ZMAT4: variants seen among roughly 807,000 people sequenced by gnomAD.
ZMAT4 encodes the protein zinc finger matrin-type 4.
A neutral mutation model predicts 28.7 loss-of-function variants in ZMAT4; 17 were observed. That is an observed-to-expected ratio of 0.59 (90% confidence interval 0.41 to 0.89). The LOEUF (loss-of-function observed/expected upper bound fraction) is 0.89. Among genes scored for constraint, ZMAT4 ranks in the 40% least tolerant of loss-of-function variants. ZMAT4 has a pLI of 0.00. For synonymous variants in ZMAT4, 117 were observed against 109.2 expected, an observed-to-expected ratio of 1.07 and a Z score of -0.44; for missense variants, 240 against 283.8, an observed-to-expected ratio of 0.85 and a Z score of 1.11.
chr8:40,790,575 C>A lies in ZMAT4; in HGVS notation c.103-22845G>T, dbSNP rs560955011. On this transcript the variant is annotated intron_variant, in intron 2 of 6. Transcript: ENST00000297737. ...AAATATGAAATATTTGGGGATAAAT[C>A]TGACAAAATATGTGCAAGACCTATA... Among the ~76,000 whole-genome samples the A allele has an allele frequency of 2.0e-5, 3 of 152,086 alleles. No individual in the cohort carries two copies. In the South Asian group the frequency reaches 6.2e-4, roughly 32 times the overall value.
chr8:40,796,220 C>T (rs1814592435), intron 2 of ZMAT4, among the ~76,000 whole-genome samples: 2 of 152,232 alleles, frequency 1.3e-5, no homozygotes, highest in African/African-American at 4.8e-5. Flanking sequence ...TAACAGCAGG[C>T]TCCAAGAGGC....
At chr8:40,600,586 T>G (rs1378078779) in intron 5 of ZMAT4, among the ~76,000 whole-genome samples, 1 of 152,198 alleles carries the variant, frequency 6.6e-6, no homozygotes, top group African/African-American at 2.4e-5. Context: ...AAGTTCTAAT[T>G]CTATGCCCCA....
At position 40,581,220 on chromosome 8, in the gene ZMAT4, G is replaced by C. The variant is rs532046092; in HGVS notation, c.619C>G (p.Leu207Val). The C allele has an allele frequency of 1.9e-6, 3 of 1,613,462 alleles. No individual in the cohort carries two copies. The highest frequency in any genetic ancestry group is 1.7e-6 in the Non-Finnish European group (2 of 1,179,584). Residue 207 changes from leucine to valine, a missense_variant, in exon 6 of 7, where the codon CTA (leucine) becomes GTA (valine). Coordinates refer to ENST00000297737, the MANE Select transcript of ZMAT4 (RefSeq NM_024645.3). ...GCATGATACTGTTCTATTGAGTTTA[G>C]GGAGACACTGCAGATGGTACATCTG... ...NYRCTICSVS[L>V]NSIEQYHAHL...
At chr8:40,750,430 T>A (rs758541123) in intron 3 of ZMAT4, among the ~76,000 whole-genome samples, 5 of 152,058 alleles carry the variant, frequency 3.3e-5, no homozygotes, top group Non-Finnish European at 7.4e-5. Flanking sequence ...AGACTCACGG[T>A]GCTATGTAGG....
At chr8:40,717,683 A>C (rs150718628) in intron 3 of ZMAT4, among the ~76,000 whole-genome samples, 1 of 152,238 alleles carries the variant, frequency 6.6e-6, no homozygotes, top group East Asian at 1.9e-4. Context: ...AAAAAAATTA[A>C]TTTAAAATCA....
chr8:40,560,108 C>A (rs1337679313), intron 6 of ZMAT4, among the ~76,000 whole-genome samples: 1 of 151,892 alleles, frequency 6.6e-6, no homozygotes, highest in African/African-American at 2.4e-5. Context: ...ACTGTCAATA[C>A]CTGTGCCTCT....
chr8:40,676,187 G>A (rs982850388), intron 4 of ZMAT4, among the ~76,000 whole-genome samples: 2 of 152,126 alleles, frequency 1.3e-5, no homozygotes, highest in African/African-American at 2.4e-5. Context: ...GGAAAAACAG[G>A]ACTAAAATGA....
chr8:40,643,894 T>C (rs1444112544), intron 5 of ZMAT4, among the ~76,000 whole-genome samples: 3 of 151,438 alleles, frequency 2.0e-5, no homozygotes, highest in Non-Finnish European at 2.9e-5. Context: ...TAAACCAAGG[T>C]TGATAATTTT....
At chr8:40,675,932 A>G (rs117097684) in intron 4 of ZMAT4, among the ~76,000 whole-genome samples, 57 of 152,350 alleles carry the variant, frequency 3.7e-4, no homozygotes, top group Non-Finnish European at 7.3e-4. Context: ...TGTTCCACCT[A>G]TTAAATTAAC....
chr8:40,852,206 C>A (rs185235617), intron 1 of ZMAT4, among the ~76,000 whole-genome samples: 1 of 152,274 alleles, frequency 6.6e-6, no homozygotes, highest in Non-Finnish European at 1.5e-5. Context: ...CTCTCCCTAT[C>A]CCCCAGCCCC....
chr8:40,555,440 C>T (rs142030928), intron 6 of ZMAT4, among the ~76,000 whole-genome samples: 1 of 152,294 alleles, frequency 6.6e-6, no homozygotes, highest in African/African-American at 2.4e-5. Context: ...CAACCACCAT[C>T]ACGAAAATAG....
intron 5 of ZMAT4, among the ~76,000 whole-genome samples, chr8:40,635,404 C>G (rs1040326366): frequency 2.0e-5 from 3 of 152,156 alleles, no homozygotes; most frequent in African/African-American, 7.2e-5. Context: ...CCACCACACA[C>G]AGACATACAC....
chr8:40,736,543 C>G (rs1811769364), intron 3 of ZMAT4, among the ~76,000 whole-genome samples: 1 of 152,164 alleles, frequency 6.6e-6, no homozygotes, highest in Admixed American at 6.5e-5. Context: ...AATGAAGAGG[C>G]ATCATGGCTG....
intron 3 of ZMAT4, among the ~76,000 whole-genome samples, chr8:40,761,406 C>T (rs1563465987): frequency 6.6e-6 from 1 of 152,140 alleles, no homozygotes; most frequent in African/African-American, 2.4e-5. Flanking sequence ...CCCTCTAAGG[C>T]TTTGCACAGC....
chr8:40,737,672 G>A (rs544094430), intron 3 of ZMAT4, among the ~76,000 whole-genome samples: 7 of 152,268 alleles, frequency 4.6e-5, no homozygotes, highest in Admixed American at 3.9e-4. Flanking sequence ...AGAAGCCTGC[G>A]TAAACTTGCT....
chr8:40,543,525 A>G (rs1803108006), intron 6 of ZMAT4, among the ~76,000 whole-genome samples: 1 of 152,156 alleles, frequency 6.6e-6, no homozygotes, highest in Admixed American at 6.6e-5. Flanking sequence ...CATCGAGGAT[A>G]TGGAATGGGA....
intron 5 of ZMAT4, among the ~76,000 whole-genome samples, chr8:40,627,247 A>G (rs1056495141): frequency 6.6e-6 from 1 of 152,230 alleles, no homozygotes; most frequent in Non-Finnish European, 1.5e-5. Flanking sequence ...GAGATTTTCA[A>G]GGGCACTAAG....
At chr8:40,649,691 C>A (rs1031975907) in intron 5 of ZMAT4, among the ~76,000 whole-genome samples, 60 of 152,004 alleles carry the variant, frequency 3.9e-4, no homozygotes, top group African/African-American at 1.4e-3. Context: ...CTCTCCTCAG[C>A]AAATGTAAAA....
In ZMAT4 at chr8:40,867,137, C is replaced by T. The variant is rs56723861; in HGVS notation, c.-5+30546G>A. 8.5e-3 allele frequency among the ~76,000 whole-genome samples: 1,288 copies of T among 152,320 alleles called. 28 individuals carry two copies. Among genetic ancestry groups the T allele is most frequent in the African/African-American group, 0.029 (1,220 of 41,574 alleles). ...GGATTTCCCCCTAGACCTTCTGCAC[C>T]TGCATCTTACCCCTTAGGCAGGGGT... On this transcript the variant is annotated intron_variant, in intron 1 of 6. Transcript: ENST00000297737.
Sources: gnomAD v4.1 joint callset for allele counts (sites outside exome capture counted in the v4.1 genomes callset) on GRCh38, gnomAD v4.1.1 for gene constraint, MANE v1.5 for transcripts, NCBI Gene and HGNC (gene_info 2026-07-23, HGNC 2026-07-21) for gene names.